The following HTT variants were observed in gnomAD, a reference collection of about 807,000 sequenced individuals.
HTT encodes the protein huntingtin, also known as huntington disease protein.
HTT carries 104 observed loss-of-function variants against 362.3 expected under a neutral mutation model. That is an observed-to-expected ratio of 0.29 (90% CI 0.24 to 0.34). HTT has a LOEUF of 0.34. Ranked by LOEUF, HTT falls within the 10% of genes least tolerant of loss-of-function variation. The probability of loss-of-function intolerance (pLI) is 1.00; values close to 1 mark genes in which losing one functional copy is unlikely to be tolerated. For missense variants in HTT, 3,301 were observed against 3,928.6 expected, an observed-to-expected ratio of 0.84 and a Z score of 4.27; for synonymous variants, 1,577 against 1,548.7, an observed-to-expected ratio of 1.02 and a Z score of -0.43.
At chr4:3,086,360 A>G (rs757507975) in intron 1 of HTT, among the ~76,000 whole-genome samples, 15 of 152,074 alleles carry the variant, frequency 9.9e-5, no homozygotes, top group East Asian at 1.9e-4. Flanking sequence ...TGGCACTTCA[A>G]TTTCTTCTCT....
chr4:3,102,470 G>A (rs1714205316), intron 3 of HTT, among the ~76,000 whole-genome samples: 1 of 152,164 alleles, frequency 6.6e-6, no homozygotes, highest in South Asian at 2.1e-4. Flanking sequence ...TGTCCAATTC[G>A]CTTTGCTCAT....
chr4:3,210,025 T>C (rs923402449), intron 47 of HTT, 76 bp downstream of exon 47: 1 of 1,554,990 alleles, frequency 6.4e-7, no homozygotes, highest in Non-Finnish European at 8.8e-7. Context: ...CTCATCATCA[T>C]GTGACCCACT....
In HTT at chr4:3,236,226, A is replaced by G. The variant is rs757662771; in HGVS notation, c.8863A>G (p.Met2955Val). ...CGACAGCGAGTCAGTGATTGTTGCT[A>G]TGGAGCGGGTATCTGTTCTTTTTGA... ...APDSESVIVAMERVSVLFDRI... is the reference protein window; with the variant it reads ...APDSESVIVAVERVSVLFDRI... The change falls in exon 64 of 67, where the codon ATG (methionine) becomes GTG (valine). Residue 2955 changes from methionine (M) to valine (V), a missense_variant. Met to Val is a conservative substitution (Grantham distance 21). This residue lies in a region of HTT where 753 missense variants were observed against 1,021.3 expected (regional missense o/e 0.74). Coordinates refer to ENST00000355072, the MANE Select transcript of HTT (RefSeq NM_001388492.1). 6.2e-7 allele frequency: 1 copy of G among 1,613,756 alleles called. No individual in the cohort carries two copies. Among genetic ancestry groups the G allele is most frequent in the Non-Finnish European group, 8.5e-7 (1 of 1,179,616 alleles).
chr4:3,093,019 G>A (rs1388373793), intron 2 of HTT, among the ~76,000 whole-genome samples: 3 of 152,200 alleles, frequency 2.0e-5, no homozygotes, highest in Non-Finnish European at 4.4e-5. Context: ...AGCTGGGAGT[G>A]CAGAGATGCA....
At chr4:3,179,157 TTTCGAC>T (rs1413784568) in intron 35 of HTT, among the ~76,000 whole-genome samples, 2 of 152,174 alleles carry the variant, frequency 1.3e-5, no homozygotes, top group Non-Finnish European at 2.9e-5. Flanking sequence ...CTTAGAGTCT[TTTCGAC>T]TCAGCGTGTG....
chr4:3,162,387 G>A (rs1168106686), intron 29 of HTT, among the ~76,000 whole-genome samples: 1 of 152,182 alleles, frequency 6.6e-6, no homozygotes, highest in African/African-American at 2.4e-5. Context: ...TCTAGCCCAG[G>A]ATTGTCTTGG....
Position 3,239,973 on chromosome 4 carries a change from G to A in HTT, c.9343G>A (p.Val3115Met). The A allele has an allele frequency of 6.3e-7, 1 of 1,599,002 alleles. No individual in the cohort carries two copies. The change falls in exon 67 of 67, where the codon GTG becomes ATG. Residue 3115 changes from valine to methionine, a missense_variant. By Grantham distance (21) the Val-to-Met change is conservative. Transcript: ENST00000355072. ...GCTCGACCGCAGGGCCTTCCAGTCT[G>A]TGCTTGAGGTGGTTGCAGCCCCAGG... is the stretch of plus-strand genomic sequence containing the variant. ...EELDRRAFQSVLEVVAAPGSP... is the reference protein window; with the variant it reads ...EELDRRAFQSMLEVVAAPGSP...
intron 26 of HTT, among the ~76,000 whole-genome samples, chr4:3,151,838 A>G (rs76316759): frequency 0.026 from 3,901 of 152,274 alleles, 130 homozygotes; most frequent in African/African-American, 0.074. Context: ...CATACTTTAT[A>G]TTCTCTGCCA....
At chr4:3,220,718 C>T (rs1360924051) in intron 53 of HTT, among the ~76,000 whole-genome samples, 1 of 152,016 alleles carries the variant, frequency 6.6e-6, no homozygotes, top group Admixed American at 6.6e-5. Context: ...AACAAGCAGA[C>T]GGGAGCAGAT....
intron 40 of HTT, among the ~76,000 whole-genome samples, chr4:3,196,208 C>T (rs1348211611): frequency 6.6e-6 from 1 of 152,136 alleles, no homozygotes; most frequent in Non-Finnish European, 1.5e-5. Context: ...CCTTGCTCTC[C>T]GCAGAGAGAG....
Position 3,240,197 on chromosome 4 carries a change from C to T in HTT, c.*138C>T, listed in dbSNP as rs1308384393. 2 of 672,940 alleles carry T rather than the reference C, an allele frequency of 3.0e-6. No individual in the cohort carries two copies. The highest frequency in any genetic ancestry group is 1.9e-5 in the South Asian group (1 of 53,976). 41.7% of individuals were successfully genotyped at this position (672,940 alleles called of 1,614,324 possible). On this transcript the variant is annotated 3_prime_UTR_variant, in exon 67 of 67. Coordinates refer to ENST00000355072, the MANE Select transcript of HTT (RefSeq NM_001388492.1). The stretch of plus-strand genomic sequence containing the variant: ...ATGCCGCGGGCGGCCAGGCAACGTG[C>T]GTGTCTCTGCCATGTGGCAGAAGTG...
rs1050237079 is a variant in HTT, at chr4:3,224,201, C to T, written c.7765+70C>T. ...GAATGAGAGAAGACTGGCATGCTCA[C>T]CACACCAGTGATGCGGGAAGACCTG... On this transcript the variant is annotated intron_variant, in intron 56 of 66. Coordinates refer to ENST00000355072, the MANE Select transcript of HTT (RefSeq NM_001388492.1). The T allele has an allele frequency of 4.7e-6, 7 of 1,498,702 alleles. No individual in the cohort carries two copies. The East Asian group carries it at 1.1e-4, about 24-fold the overall frequency. 92.8% of individuals were successfully genotyped at this position (1,498,702 alleles called of 1,614,324 possible).
In HTT at chr4:3,084,819, C is replaced by T. The variant is rs188128538; in HGVS notation, c.264-2120C>T. Reference sequence around the variant, plus strand: ...ACGAGGTCAGGAGATCCAGACCATCCCGGCTAACACGGTGAAACCCCGTCT... The same window carrying T: ...ACGAGGTCAGGAGATCCAGACCATCTCGGCTAACACGGTGAAACCCCGTCT... On this transcript the variant is annotated intron_variant, in intron 1 of 66. Coordinates refer to ENST00000355072, the MANE Select transcript of HTT (RefSeq NM_001388492.1). Among the ~76,000 whole-genome samples the T allele has an allele frequency of 1.2e-4, 18 of 151,858 alleles. No individual in the cohort carries two copies. In the East Asian group the frequency reaches 3.5e-3, roughly 30 times the overall value.
intron 50 of HTT, 85 bp downstream of exon 50, chr4:3,214,220 A>G: frequency 9.0e-7 from 1 of 1,115,810 alleles, no homozygotes; most frequent in Non-Finnish European, 1.2e-6. Context: ...CCTGTTTGCC[A>G]GGTACTAAGC....
chr4:3,154,864 G>A (rs1180405550), intron 27 of HTT, among the ~76,000 whole-genome samples: 2 of 152,258 alleles, frequency 1.3e-5, no homozygotes, highest in South Asian at 2.1e-4. Context: ...GCGAGAGAAA[G>A]TGGGGATAAA....
rs1185582236 is a variant in HTT at position 3,243,649 on chromosome 4, T to G, written c.*3590T>G. ...TGTTTCTAAGAGCAGAGTCTCCCGC[T>G]GCAATCTGGGTGGTAACTGCCAGCC... On this transcript the variant is annotated 3_prime_UTR_variant, in exon 67 of 67. Coordinates refer to ENST00000355072, the MANE Select transcript of HTT (RefSeq NM_001388492.1). 1 of 152,290 alleles carries G rather than the reference T, an allele frequency of 6.6e-6. No homozygotes were observed. Among genetic ancestry groups the G allele is most frequent in the Non-Finnish European group, 1.5e-5 (1 of 68,086 alleles). 9.4% of individuals were successfully genotyped at this position (152,290 alleles called of 1,614,324 possible).
intron 2 of HTT, among the ~76,000 whole-genome samples, chr4:3,094,120 TTAAC>T (rs1713684916): frequency 6.6e-6 from 1 of 151,850 alleles, no homozygotes; most frequent in South Asian, 2.1e-4. Flanking sequence ...GTGATGACTC[TTAAC>T]GAGTATGCTG....
chr4:3,185,937 T>TAAATGGAAG (rs1718739264), intron 37 of HTT, among the ~76,000 whole-genome samples: 1 of 148,490 alleles, frequency 6.7e-6, no homozygotes, highest in Admixed American at 6.7e-5. Context: ...AGGAAGGAAA[T>TAAATGGAAG]AAATGGAAGA....
rs1336253585 is a variant in HTT, at chr4:3,116,104, G to T, written c.909G>T (p.Glu303Asp). The T allele has an allele frequency of 6.2e-7, 1 of 1,612,102 alleles. No individual in the cohort carries two copies. Among genetic ancestry groups the T allele is most frequent in the African/African-American group, 1.3e-5 (1 of 74,996 alleles). The change falls in exon 8 of 67, where the codon GAG (glutamate) becomes GAT (aspartate). Residue 303 changes from glutamate to aspartate, a missense_variant. Transcript: ENST00000355072. Reference sequence around the variant, plus strand: ...CCACAGGCTTACTCGTTCCTGTCGAGGATGAACACTCCACTCTGCTGATTC... The same window carrying T: ...CCACAGGCTTACTCGTTCCTGTCGATGATGAACACTCCACTCTGCTGATTC... ...NVLLGLLVPV[E>D]DEHSTLLILG...
Sources: gnomAD v4.1 joint callset for allele counts (sites outside exome capture counted in the v4.1 genomes callset) on GRCh38, gnomAD v4.1.1 for gene constraint, gnomAD v4.1.1 regional missense constraint, MANE v1.5 for transcripts, NCBI Gene and HGNC (gene_info 2026-07-23, HGNC 2026-07-21) for gene names.